Variants in FNDC3B observed in about 807,000 individuals in gnomAD.
FNDC3B encodes the protein fibronectin type III domain-containing protein 3B.
A neutral mutation model predicts 151.5 loss-of-function variants in FNDC3B; 12 were observed. The observed-to-expected ratio is 0.08, with a 90% CI of 0.05 to 0.13. FNDC3B has a LOEUF of 0.13. Among genes scored for constraint, FNDC3B ranks in the 10% least tolerant of loss-of-function variants. FNDC3B has a pLI of 1.00. For synonymous variants in FNDC3B, 528 were observed against 549.0 expected, an observed-to-expected ratio of 0.96 and a Z score of 0.54; for missense variants, 1,214 against 1,505.3, an observed-to-expected ratio of 0.81 and a Z score of 3.20.
At chr3:172,043,150 C>A (rs932895005) in intron 1 of FNDC3B, among the ~76,000 whole-genome samples, 1 of 152,230 alleles carries the variant, frequency 6.6e-6, no homozygotes, top group Non-Finnish European at 1.5e-5. Context: ...CTCCTGACTT[C>A]AGGTGATCCA....
intron 1 of FNDC3B, among the ~76,000 whole-genome samples, chr3:172,111,611 G>A (rs1156827680): frequency 1.3e-5 from 2 of 152,130 alleles, no homozygotes; most frequent in Non-Finnish European, 2.9e-5. Context: ...TCCAAGGGAG[G>A]ACTTTTTTTG....
At position 172,236,090 on chromosome 3, in the gene FNDC3B, G is replaced by A. The variant is rs146671362; in HGVS notation, c.264+9143G>A. On this transcript the variant is annotated intron_variant, in intron 4 of 25. Coordinates refer to ENST00000415807, the MANE Select transcript of FNDC3B (RefSeq NM_022763.4). ...AACAGAAAGCCTGTCCCCTAAAATA[G>A]CATTTCTGTTTAATCTGAAATAATT... 3.8e-4 allele frequency among the ~76,000 whole-genome samples: 58 copies of A among 152,304 alleles called. No individual in the cohort carries two copies. The East Asian group carries it at 9.8e-3, about 26-fold the overall frequency.
intron 3 of FNDC3B, among the ~76,000 whole-genome samples, chr3:172,165,114 AG>A (rs1312412079): frequency 1.2e-4 from 19 of 152,234 alleles, no homozygotes; most frequent in Non-Finnish European, 2.6e-4. Context: ...CCTGGGCTCA[AG>A]TAATCCTCCT....
chr3:172,322,980 A>G (rs1280268578), intron 11 of FNDC3B, among the ~76,000 whole-genome samples: 1 of 152,192 alleles, frequency 6.6e-6, no homozygotes, highest in Non-Finnish European at 1.5e-5. Context: ...AGGATCGTGT[A>G]TTCTGTTCCC....
intron 22 of FNDC3B, among the ~76,000 whole-genome samples, chr3:172,357,823 G>A (rs533623657): frequency 8.6e-5 from 13 of 151,974 alleles, no homozygotes; most frequent in South Asian, 8.3e-4. Context: ...AAATGTTCAC[G>A]TATTTTCGCT....
At chr3:172,281,777 G>A (rs547126256) in intron 6 of FNDC3B, among the ~76,000 whole-genome samples, 4 of 152,158 alleles carry the variant, frequency 2.6e-5, no homozygotes, top group Non-Finnish European at 5.9e-5. Context: ...AGAGTTTTCA[G>A]CTTGAATAAA....
intron 23 of FNDC3B, among the ~76,000 whole-genome samples, chr3:172,368,214 G>A (rs1734721522): frequency 6.6e-6 from 1 of 150,390 alleles, no homozygotes; most frequent in African/African-American, 2.5e-5. Context: ...AGGTTGCAGT[G>A]AGCTGTGATC....
At chr3:172,094,863 C>T (rs1307270806) in intron 1 of FNDC3B, among the ~76,000 whole-genome samples, 1 of 151,666 alleles carries the variant, frequency 6.6e-6, no homozygotes. Context: ...ATTACATGGT[C>T]TGCATGTGCA....
intron 3 of FNDC3B, among the ~76,000 whole-genome samples, chr3:172,171,369 C>A (rs567152761): frequency 6.6e-6 from 1 of 152,278 alleles, no homozygotes; most frequent in South Asian, 2.1e-4. Flanking sequence ...AATACCACTT[C>A]ATTTTCATTT....
At chr3:172,194,869 C>T (rs1391827745) in intron 3 of FNDC3B, among the ~76,000 whole-genome samples, 26 of 152,142 alleles carry the variant, frequency 1.7e-4, no homozygotes, top group Admixed American at 1.7e-3. Context: ...ACTGTGACTA[C>T]CCTGTTGCTA....
chr3:172,357,113 G>A (rs1196460602), intron 22 of FNDC3B, among the ~76,000 whole-genome samples: 1 of 152,134 alleles, frequency 6.6e-6, no homozygotes, highest in East Asian at 1.9e-4. Context: ...GTCCTTTAAT[G>A]GTGGATTTTT....
At chr3:172,257,780 C>G (rs1229256537) in intron 6 of FNDC3B, among the ~76,000 whole-genome samples, 1 of 152,098 alleles carries the variant, frequency 6.6e-6, no homozygotes, top group East Asian at 1.9e-4. Flanking sequence ...AGACATGTAC[C>G]CTTATGACCT....
Position 172,297,539 on chromosome 3 carries a change from A to G in FNDC3B, c.1002-1189A>G, listed in dbSNP as rs142632884. ...GCCCAGGCTGGAGTGCAGTGGCACT[A>G]TCTTGGCTCACTGCAAGCTCCGCCT... On this transcript the variant is annotated intron_variant, in intron 8 of 25. Transcript: ENST00000415807. Among the ~76,000 whole-genome samples the G allele has an allele frequency of 1.2e-3, 183 of 151,864 alleles. 1 individual carries two copies. The highest frequency in any genetic ancestry group is 4.1e-3 in the African/African-American group (171 of 41,394).
At chr3:172,288,613 CTT>C (rs1730145144) in intron 7 of FNDC3B, among the ~76,000 whole-genome samples, 1 of 152,222 alleles carries the variant, frequency 6.6e-6, no homozygotes, top group Admixed American at 6.5e-5. Flanking sequence ...CGTTGAGAAA[CTT>C]TCTGGAGGTG....
intron 3 of FNDC3B, among the ~76,000 whole-genome samples, chr3:172,207,740 G>T (rs1350942448): frequency 6.6e-6 from 1 of 152,190 alleles, no homozygotes; most frequent in Non-Finnish European, 1.5e-5. Flanking sequence ...TTGAGGTCAG[G>T]AGTTCAAAAC....
At chr3:172,137,176 A>G (rs533105364) in intron 3 of FNDC3B, among the ~76,000 whole-genome samples, 1 of 152,214 alleles carries the variant, frequency 6.6e-6, no homozygotes, top group Admixed American at 6.5e-5. Flanking sequence ...TAGGGAATGG[A>G]GTTGGTTGCT....
intron 2 of FNDC3B, among the ~76,000 whole-genome samples, chr3:172,121,982 G>A (rs1720572402): frequency 6.6e-6 from 1 of 152,180 alleles, no homozygotes; most frequent in Non-Finnish European, 1.5e-5. Flanking sequence ...TGAATGTGAT[G>A]TGATAGCTAC....
intron 3 of FNDC3B, among the ~76,000 whole-genome samples, chr3:172,142,497 CGCAT>C (rs1721675794): frequency 6.6e-6 from 1 of 152,166 alleles, no homozygotes; most frequent in Non-Finnish European, 1.5e-5. Context: ...CGAGCAGTGT[CGCAT>C]TACCTCAGTG....
chr3:172,156,169 C>T (rs1722475409), intron 3 of FNDC3B, among the ~76,000 whole-genome samples: 1 of 152,056 alleles, frequency 6.6e-6, no homozygotes, highest in Admixed American at 6.6e-5. Context: ...ACTTCAGAGC[C>T]CTCACAAAGC....
Sources: allele counts gnomAD v4.1 joint callset (sites outside exome capture counted in the v4.1 genomes callset), GRCh38; gene constraint gnomAD v4.1.1; transcripts MANE v1.5; gene names NCBI Gene and HGNC (gene_info 2026-07-23, HGNC 2026-07-21).